Variants in TRIM37 observed in about 807,000 individuals in gnomAD.
TRIM37 encodes the protein E3 ubiquitin-protein ligase TRIM37.
A neutral mutation model predicts 129.8 loss-of-function variants in TRIM37; 80 were observed. The observed-to-expected ratio is 0.62, with a 90% confidence interval of 0.51 to 0.74. TRIM37 has a LOEUF of 0.74. TRIM37 is among the 30% of genes least tolerant of loss of function. The pLI is 0.00. For missense variants in TRIM37, 1,054 were observed against 1,176.5 expected (o/e 0.90, Z 1.52); for synonymous variants, 389 against 387.1 (o/e 1.00, Z -0.06).
At chr17:59,079,945 A>C (rs759554110) in intron 6 of TRIM37, 68 bp from the exon 7 acceptor site, 13 of 1,533,822 alleles carry the variant, frequency 8.5e-6, no homozygotes, top group Admixed American at 1.7e-5. Context: ...CCACATTATA[A>C]TATTGCCAAG....
chr17:59,106,482 G>T lies in TRIM37; in HGVS notation c.-21C>A, dbSNP rs776117591. The stretch of plus-strand genomic sequence containing the variant: ...TCCATTGCCTCCGGCTCTCGGCGGG[G>T]CCGCTGGCGACCCGCAGGCTCCGCA... On this transcript the variant is annotated 5_prime_UTR_variant, in exon 1 of 24. Coordinates refer to ENST00000262294, the MANE Select transcript of TRIM37 (RefSeq NM_015294.6). The T allele has an allele frequency of 3.7e-6, 6 of 1,613,414 alleles. No individual in the cohort carries two copies. The highest frequency in any genetic ancestry group is 5.1e-6 in the Non-Finnish European group (6 of 1,179,780).
At chr17:59,103,234 A>G (rs1407335251) in intron 2 of TRIM37, among the ~76,000 whole-genome samples, 1 of 152,212 alleles carries the variant, frequency 6.6e-6, no homozygotes, top group Non-Finnish European at 1.5e-5. Context: ...CAGGAAAATA[A>G]ATAATTGAAG....
intron 4 of TRIM37, among the ~76,000 whole-genome samples, 171 bp from the exon 5 acceptor site, chr17:59,084,260 A>T (rs1173686689): frequency 6.6e-6 from 1 of 152,228 alleles, no homozygotes; most frequent in Non-Finnish European, 1.5e-5. Flanking sequence ...GTTTATGCGG[A>T]CAATTTTTTG....
intron 9 of TRIM37, among the ~76,000 whole-genome samples, chr17:59,064,861 A>G (rs910722635): frequency 1.3e-5 from 2 of 151,980 alleles, no homozygotes; most frequent in African/African-American, 4.8e-5. Flanking sequence ...CGGTGATTCG[A>G]GATTGCACTA....
intron 9 of TRIM37, among the ~76,000 whole-genome samples, chr17:59,066,553 T>C (rs957928360): frequency 6.6e-6 from 1 of 152,180 alleles, no homozygotes; most frequent in African/African-American, 2.4e-5. Flanking sequence ...AGTAGAAAGC[T>C]TCCAGGCTAA....
chr17:58,981,022 A>C, downstream of TRIM37: 9 of 1,583,586 alleles, frequency 5.7e-6, no homozygotes, highest in Middle Eastern at 1.9e-4. Context: ...GGAGCTATAA[A>C]ATAGAATAAT....
chr17:59,007,948 A>G (rs780115411), intron 22 of TRIM37, among the ~76,000 whole-genome samples: 3 of 152,216 alleles, frequency 2.0e-5, no homozygotes, highest in Non-Finnish European at 4.4e-5. Flanking sequence ...GCTAAAATAA[A>G]GAGTCTTGTT....
intron 21 of TRIM37, among the ~76,000 whole-genome samples, chr17:59,012,681 A>ACTCCT (rs2035442513): frequency 6.6e-6 from 1 of 152,046 alleles, no homozygotes; most frequent in African/African-American, 2.4e-5. Context: ...GTTCAAGACC[A>ACTCCT]GCCTGGCCAA....
intron 17 of TRIM37, among the ~76,000 whole-genome samples, chr17:59,039,323 A>G (rs192389982): frequency 5.4e-5 from 8 of 148,292 alleles, no homozygotes; most frequent in African/African-American, 2.0e-4. Context: ...CAGAGGCCAC[A>G]CTTCCCAGCC....
intron 13 of TRIM37, among the ~76,000 whole-genome samples, chr17:59,052,448 T>C (rs1294278482): frequency 6.6e-6 from 1 of 152,186 alleles, no homozygotes; most frequent in Admixed American, 6.5e-5. Flanking sequence ...TTTTACACCT[T>C]ATTGTAAGAA....
At chr17:59,022,744 C>T (rs144584612) in intron 19 of TRIM37, among the ~76,000 whole-genome samples, 27 of 151,902 alleles carry the variant, frequency 1.8e-4, no homozygotes, top group Non-Finnish European at 3.5e-4. Flanking sequence ...GTTTAGTAAC[C>T]TTTAGTTACT....
intron 17 of TRIM37, among the ~76,000 whole-genome samples, chr17:59,039,407 C>T (rs953241824): frequency 8.1e-5 from 12 of 147,908 alleles, no homozygotes; most frequent in Admixed American, 4.8e-4. Flanking sequence ...AGTGCGGTGG[C>T]GCAATCTCAG....
intron 8 of TRIM37, among the ~76,000 whole-genome samples, chr17:59,072,739 C>T (rs2042486386): frequency 7.1e-6 from 1 of 140,096 alleles, no homozygotes; most frequent in African/African-American, 2.6e-5. Flanking sequence ...CAAGGCAAGA[C>T]TCTGTCTCAA....
At chr17:58,978,816 A>C (rs2031186214), downstream of TRIM37, among the ~76,000 whole-genome samples, 1 of 152,220 alleles carries the variant, frequency 6.6e-6, no homozygotes. Flanking sequence ...AAAGGAATGT[A>C]ATCAATGTAA....
At chr17:59,020,856 ACT>A (rs1386787866) in intron 19 of TRIM37, among the ~76,000 whole-genome samples, 1 of 152,184 alleles carries the variant, frequency 6.6e-6, no homozygotes, top group African/African-American at 2.4e-5. Flanking sequence ...AGAAAAGGCA[ACT>A]CTCATACACC....
intron 22 of TRIM37, among the ~76,000 whole-genome samples, chr17:59,004,006 G>T (rs989955739): frequency 1.3e-5 from 2 of 152,024 alleles, no homozygotes; most frequent in Non-Finnish European, 2.9e-5. Context: ...CTACTAGGGA[G>T]GCTGAGGAGG....
At chr17:58,967,603 T>A in the TRIM37 span, among the ~76,000 whole-genome samples, 1 of 151,884 alleles carries the variant, frequency 6.6e-6, no homozygotes, top group African/African-American at 2.4e-5. Context: ...TTGTTATTAG[T>A]CTAAATTATC....
intron 19 of TRIM37, among the ~76,000 whole-genome samples, chr17:59,025,045 G>A (rs1377211512): frequency 6.6e-6 from 1 of 152,160 alleles, no homozygotes; most frequent in Non-Finnish European, 1.5e-5. Flanking sequence ...TTGCGTTTTT[G>A]TATGTCCAAA....
At chr17:59,099,243 T>C (rs1355623057) in intron 2 of TRIM37, among the ~76,000 whole-genome samples, 2 of 152,064 alleles carry the variant, frequency 1.3e-5, no homozygotes, top group East Asian at 3.9e-4. Context: ...ATGTGTCACA[T>C]AAAGATGTTT....
Sources: allele counts gnomAD v4.1 joint callset (sites outside exome capture counted in the v4.1 genomes callset), GRCh38; gene constraint gnomAD v4.1.1; transcripts MANE v1.5; gene names NCBI Gene and HGNC (gene_info 2026-07-23, HGNC 2026-07-21).